Variants in AXIN1 observed in about 807,000 individuals in gnomAD.
The protein encoded by AXIN1 is axin-1.
In AXIN1, 30 loss-of-function variants were observed where a neutral mutation model predicts 76.4. That is an observed-to-expected ratio of 0.39 (90% CI 0.29 to 0.53). The LOEUF is 0.53. Among genes scored for constraint, AXIN1 ranks in the 20% least tolerant of loss-of-function variants. The pLI is 0.66. For missense variants in AXIN1, 1,140 were observed against 1,198.8 expected, an observed-to-expected ratio of 0.95 and a Z score of 0.72; for synonymous variants, 545 against 501.4, an observed-to-expected ratio of 1.09 and a Z score of -1.16.
chr16:332,494 T>C (rs1367751011), intron 2 of AXIN1, among the ~76,000 whole-genome samples: 1 of 151,002 alleles, frequency 6.6e-6, no homozygotes, highest in Non-Finnish European at 1.5e-5. Context: ...GAGAATGGCG[T>C]GAACCCGGGA....
At chr16:290,879 C>G (rs2052538637) in intron 9 of AXIN1, 3 of 473,294 alleles carry the variant, frequency 6.3e-6, no homozygotes, top group Non-Finnish European at 1.2e-5. Flanking sequence ...GAGGCGCAGG[C>G]AGGTCTCTGC....
intron 3 of AXIN1, 133 bp downstream of exon 3, chr16:314,410 C>T: frequency 7.1e-7 from 1 of 1,404,524 alleles, no homozygotes; most frequent in Non-Finnish European, 9.8e-7. Flanking sequence ...GTGGGACTTA[C>T]ACGCTGCCAT....
Position 304,262 on chromosome 16 carries a change from A to ACGACACCGACGCGGAGCG in AXIN1, c.1254+24_1254+41dup, listed in dbSNP as rs750934190. 4.4e-4 allele frequency: 704 copies of ACGACACCGACGCGGAGCG among 1,600,016 alleles called. 1 individual carries two copies. The highest frequency in any genetic ancestry group is 5.5e-4 in the African/African-American group (39 of 70,488). On this transcript the variant is annotated intron_variant, in intron 5 of 10. Transcript: ENST00000262320. Reference sequence around the variant, plus strand: ...GACATCCCGGCGGCAAGAAAACAGCACGACACCGACGCGGAGCGCGACACC... The same window carrying ACGACACCGACGCGGAGCG: ...GACATCCCGGCGGCAAGAAAACAGCACGACACCGACGCGGAGCGCGACACCGACGCGGAGCGCGACACC...
In AXIN1 at chr16:291,170, G is replaced by A. The variant is rs1229545637; in HGVS notation, c.2294+20C>T. On this transcript the variant is annotated intron_variant, in intron 9 of 10. Transcript: ENST00000262320. ...GGGCTGGGGTGGGCAGGACCGGGAG[G>A]ACCCTCAGGACGCACGTACTCTGTC... 2 of 1,562,714 alleles carry A rather than the reference G, an allele frequency of 1.3e-6. No homozygotes were observed. Among genetic ancestry groups the A allele is most frequent in the Middle Eastern group, 1.7e-4 (1 of 6,000 alleles).
At chr16:292,074 G>A (rs1234404383) in intron 8 of AXIN1, 25 of 153,020 alleles carry the variant, frequency 1.6e-4, no homozygotes, top group Admixed American at 1.6e-3. Context: ...GGGTACCAGG[G>A]GAAAGCGCAG....
intron 1 of AXIN1, among the ~76,000 whole-genome samples, chr16:349,348 C>T (rs561438850): frequency 3.3e-5 from 5 of 152,224 alleles, no homozygotes; most frequent in Admixed American, 2.0e-4. Flanking sequence ...CTCCGTGAGC[C>T]ACATCAGCAT....
At chr16:326,419 C>T (rs2053586064) in intron 2 of AXIN1, among the ~76,000 whole-genome samples, 1 of 140,492 alleles carries the variant, frequency 7.1e-6, no homozygotes, top group Admixed American at 7.0e-5. Flanking sequence ...AAATAACCTA[C>T]CTTTGCACCC....
Position 320,739 on chromosome 16 carries a change from A to ATTTT in AXIN1, c.879-6057_879-6056insAAAA, listed in dbSNP as rs1442116204. ...CGTGTGTGTGTATATATATATATAT[A>ATTTT]TATATTTTTTTTTTTTTTGAGACGG... On this transcript the variant is annotated intron_variant, in intron 2 of 10. Transcript: ENST00000262320. Among the ~76,000 whole-genome samples the ATTTT allele has an allele frequency of 7.7e-3, 706 of 91,862 alleles. 5 individuals carry two copies. The highest frequency in any genetic ancestry group is 0.022 in the African/African-American group (337 of 14,980). 60.3% of individuals were successfully genotyped at this position (91,862 alleles called of 152,430 possible).
intron 4 of AXIN1, among the ~76,000 whole-genome samples, chr16:306,016 G>A (rs2053013850): frequency 6.6e-6 from 1 of 152,084 alleles, no homozygotes; most frequent in Non-Finnish European, 1.5e-5. Context: ...CAAAACAGCT[G>A]CAAAAATAGA....
chr16:296,290 G>C (rs1173233279), intron 7 of AXIN1, among the ~76,000 whole-genome samples: 2 of 152,276 alleles, frequency 1.3e-5, no homozygotes, highest in Non-Finnish European at 2.9e-5. Flanking sequence ...AAGTAATGTG[G>C]AGGGAGATGC....
chr16:340,186 G>T (rs1039392632), intron 2 of AXIN1, among the ~76,000 whole-genome samples: 1 of 152,058 alleles, frequency 6.6e-6, no homozygotes, highest in African/African-American at 2.4e-5. Flanking sequence ...TGCCCACCTC[G>T]AAAGGACCCA....
intron 2 of AXIN1, among the ~76,000 whole-genome samples, chr16:344,347 G>A (rs13337493): frequency 0.22 from 32,489 of 148,684 alleles, 3,702 homozygotes; most frequent in South Asian, 0.31. Context: ...GGAGAACGGC[G>A]TGAACCTGGG....
intron 2 of AXIN1, among the ~76,000 whole-genome samples, chr16:327,749 G>A (rs1011054017): frequency 2.6e-5 from 4 of 152,220 alleles, no homozygotes; most frequent in African/African-American, 7.2e-5. Flanking sequence ...CTTACAAAGC[G>A]GAAATGACAG....
chr16:291,394 G>A (rs971261357), intron 8 of AXIN1, 97 bp from the exon 9 acceptor site: 22 of 1,078,482 alleles, frequency 2.0e-5, no homozygotes, highest in Non-Finnish European at 2.2e-5. Flanking sequence ...CGGACGGAGC[G>A]TGAAGGGCCC....
chr16:349,432 GA>G (rs1298317041), intron 1 of AXIN1, among the ~76,000 whole-genome samples: 15 of 152,314 alleles, frequency 9.8e-5, no homozygotes, highest in Non-Finnish European at 1.8e-4. Context: ...TCACAGGAAA[GA>G]AGGCCTGCAC....
At chr16:332,368 G>C (rs1332349664) in intron 2 of AXIN1, among the ~76,000 whole-genome samples, 3 of 152,004 alleles carry the variant, frequency 2.0e-5, no homozygotes, top group African/African-American at 7.3e-5. Flanking sequence ...ACGAGATCAG[G>C]AGATGGAGAC....
At chr16:317,313 C>A (rs2053326373) in intron 2 of AXIN1, among the ~76,000 whole-genome samples, 1 of 152,176 alleles carries the variant, frequency 6.6e-6, no homozygotes, top group Non-Finnish European at 1.5e-5. Flanking sequence ...GGGGCTGTGG[C>A]CTCCATGCCC....
chr16:309,882 G>T, intron 4 of AXIN1, 91 bp downstream of exon 4: 1 of 1,299,754 alleles, frequency 7.7e-7, no homozygotes, highest in South Asian at 1.2e-5. Context: ...CTCGTGGGAG[G>T]CCAGGCAAGT....
In AXIN1 at chr16:293,246, C is replaced by G; in HGVS notation, c.2186+242G>C. 1 of 579,574 alleles carries G rather than the reference C, an allele frequency of 1.7e-6. No individual in the cohort carries two copies. The highest frequency in any genetic ancestry group is 3.1e-6 in the Non-Finnish European group (1 of 324,612). The allele number at this position is 579,574 out of a possible 1,614,324, so 35.9% of individuals were successfully genotyped here. On this transcript the variant is annotated intron_variant, in intron 8 of 10. Coordinates refer to ENST00000262320, the MANE Select transcript of AXIN1 (RefSeq NM_003502.4). This position sits in a 1 kb window ranked among gnomAD's most constrained non-coding sequence, Gnocchi z 4.6. ...TCAGGTTGAGGAGGGACCCCGCCTC[C>G]AGAGCAATGAGCGCGGCGGCCTCGG... is the stretch of plus-strand genomic sequence containing the variant.
Sources: allele counts gnomAD v4.1 joint callset (sites outside exome capture counted in the v4.1 genomes callset), GRCh38; gene constraint gnomAD v4.1.1; non-coding constraint Gnocchi (gnomAD v3.1); transcripts MANE v1.5; gene names NCBI Gene and HGNC (gene_info 2026-07-23, HGNC 2026-07-21).